The following HPSE2 variants were observed in gnomAD, a reference collection of about 807,000 sequenced individuals.
HPSE2 encodes heparanase 2 (inactive), also known as inactive heparanase-2.
A neutral mutation model predicts 60.5 loss-of-function variants in HPSE2; 38 were observed. That is an observed-to-expected ratio of 0.63 (90% CI 0.48 to 0.82). HPSE2 has a LOEUF of 0.82. Among genes scored for constraint, HPSE2 ranks in the 40% least tolerant of loss-of-function variants. The probability of loss-of-function intolerance (pLI) is 0.00; values close to 1 mark genes in which losing one functional copy is unlikely to be tolerated. For missense variants in HPSE2, 713 were observed against 740.4 expected (o/e 0.96, Z 0.43); for synonymous variants, 295 against 293.2 (o/e 1.01, Z -0.06).
intron 3 of HPSE2, among the ~76,000 whole-genome samples, chr10:98,920,530 A>T (rs1419778836): frequency 6.6e-6 from 1 of 152,174 alleles, no homozygotes; most frequent in African/African-American, 2.4e-5. Flanking sequence ...AGCATCTTGC[A>T]TGTAAACCAC....
intron 3 of HPSE2, among the ~76,000 whole-genome samples, chr10:99,136,134 T>A (rs1845640885): frequency 6.6e-6 from 1 of 151,848 alleles, no homozygotes; most frequent in Admixed American, 6.6e-5. Context: ...AACTGGAAAA[T>A]CTAGAAGAAA....
chr10:98,808,899 G>C (rs977079704), intron 3 of HPSE2, among the ~76,000 whole-genome samples: 1 of 152,138 alleles, frequency 6.6e-6, no homozygotes, highest in Non-Finnish European at 1.5e-5. Context: ...ATACAAGCTA[G>C]AGCTTATCTT....
chr10:99,134,514 G>A (rs1176032078), intron 3 of HPSE2, among the ~76,000 whole-genome samples: 3 of 152,236 alleles, frequency 2.0e-5, no homozygotes, highest in Admixed American at 6.5e-5. Context: ...CAGACTAACA[G>A]TGGATCTCTC....
chr10:99,025,356 C>A (rs949681691), intron 3 of HPSE2, among the ~76,000 whole-genome samples: 4 of 151,946 alleles, frequency 2.6e-5, no homozygotes, highest in Admixed American at 2.6e-4. Flanking sequence ...TGGGTATATA[C>A]CCAGAGGAAT....
intron 3 of HPSE2, among the ~76,000 whole-genome samples, chr10:99,121,255 C>A (rs1331633842): frequency 6.6e-6 from 1 of 151,996 alleles, no homozygotes; most frequent in African/African-American, 2.4e-5. Context: ...AACAAATGGA[C>A]ACATAGAGGG....
At chr10:99,303,760 G>A in the HPSE2 span, among the ~76,000 whole-genome samples, 1 of 152,154 alleles carries the variant, frequency 6.6e-6, no homozygotes, top group Non-Finnish European at 1.5e-5. Flanking sequence ...GATGCTGTGG[G>A]TAGGAAAAGG....
chr10:98,757,928 G>A (rs1336158179), intron 3 of HPSE2, among the ~76,000 whole-genome samples: 2 of 152,046 alleles, frequency 1.3e-5, no homozygotes, highest in Non-Finnish European at 2.9e-5. Flanking sequence ...CACATTACCT[G>A]ACTTTGAATT....
chr10:98,619,017 A>G (rs1399285119), intron 8 of HPSE2, among the ~76,000 whole-genome samples: 7 of 152,218 alleles, frequency 4.6e-5, no homozygotes, highest in African/African-American at 1.7e-4. Context: ...TGGAAGACCC[A>G]AGGTATCACT....
intron 3 of HPSE2, among the ~76,000 whole-genome samples, chr10:98,964,028 C>T (rs1955751452): frequency 6.6e-6 from 1 of 152,138 alleles, no homozygotes; most frequent in South Asian, 2.1e-4. Context: ...TGCGTGTTTA[C>T]ACAACTTCAG....
chr10:98,579,528 A>G (rs1944734858), intron 9 of HPSE2, among the ~76,000 whole-genome samples: 1 of 151,620 alleles, frequency 6.6e-6, no homozygotes, highest in Admixed American at 6.6e-5. Flanking sequence ...CAGGCACTCA[A>G]CTCCACTTTG....
rs750044839 is a variant in HPSE2, at chr10:98,459,683, T to G, written c.1670A>C (p.Glu557Ala). The G allele has an allele frequency of 6.2e-7, 1 of 1,614,096 alleles. No homozygotes were observed. The highest frequency in any genetic ancestry group is 1.1e-5 in the South Asian group (1 of 91,072). The change falls in exon 12 of 12, where the codon GAA (glutamate) becomes GCA (alanine). Residue 557 changes from glutamate (E) to alanine (A), a missense_variant. Glu to Ala is a moderately radical substitution (Grantham distance 107). Transcript: ENST00000370552. ...LVMVDDGTLP[E>A]LKPRPLRAGR... ...GGCCCGAAGGGGGCGGGGCTTCAAT[T>G]CTGGGAGGGTCCCGTCGTCCACCAT...
chr10:99,244,336 G>A, the HPSE2 span, among the ~76,000 whole-genome samples: 1 of 150,584 alleles, frequency 6.6e-6, no homozygotes, highest in Non-Finnish European at 1.5e-5. Flanking sequence ...ATTTTCTTTT[G>A]TTCTCTAGGC....
chr10:98,937,763 T>A (rs1422856035), intron 3 of HPSE2, among the ~76,000 whole-genome samples: 1 of 141,558 alleles, frequency 7.1e-6, no homozygotes, highest in Non-Finnish European at 1.5e-5. Context: ...GCTGGAGATC[T>A]GAGAACGGGC....
chr10:98,804,466 CA>C (rs1354691592), intron 3 of HPSE2, among the ~76,000 whole-genome samples: 2 of 151,882 alleles, frequency 1.3e-5, no homozygotes, highest in African/African-American at 4.8e-5. Flanking sequence ...TTAAAACAAG[CA>C]AAAGACTTAA....
At chr10:98,885,304 G>A (rs1953134070) in intron 3 of HPSE2, among the ~76,000 whole-genome samples, 1 of 152,092 alleles carries the variant, frequency 6.6e-6, no homozygotes, top group South Asian at 2.1e-4. Flanking sequence ...CAGAGGGAGT[G>A]GTCTCTTGAG....
At chr10:98,615,084 A>C (rs1945869753) in intron 8 of HPSE2, 66 bp from the exon 9 acceptor site, 4 of 1,146,952 alleles carry the variant, frequency 3.5e-6, no homozygotes, top group Non-Finnish European at 5.3e-6. Flanking sequence ...AGCTCTATAG[A>C]GACTGGCTAC....
At chr10:98,845,879 G>C (rs565944968) in intron 3 of HPSE2, among the ~76,000 whole-genome samples, 48 of 152,296 alleles carry the variant, frequency 3.2e-4, no homozygotes, top group African/African-American at 1.1e-3. Context: ...TCTTGGGACT[G>C]CTCAGTAAAG....
At chr10:98,765,883 C>A (rs1362190480) in intron 3 of HPSE2, among the ~76,000 whole-genome samples, 2 of 151,672 alleles carry the variant, frequency 1.3e-5, no homozygotes, top group African/African-American at 4.9e-5. Flanking sequence ...CATCATTAAT[C>A]TAATCATCTA....
chr10:98,742,599 A>G (rs1013243261), intron 4 of HPSE2, among the ~76,000 whole-genome samples: 1 of 152,170 alleles, frequency 6.6e-6, no homozygotes, highest in East Asian at 1.9e-4. Flanking sequence ...ACTATCAATA[A>G]TTTTAACTAT....
Sources: allele counts gnomAD v4.1 joint callset (sites outside exome capture counted in the v4.1 genomes callset), GRCh38; gene constraint gnomAD v4.1.1; transcripts MANE v1.5; gene names NCBI Gene and HGNC (gene_info 2026-07-23, HGNC 2026-07-21).